Variants in LPP observed in about 807,000 individuals in gnomAD.
LPP encodes the protein LIM domain containing preferred translocation partner in lipoma, also known as lipoma-preferred partner.
In LPP, 38 loss-of-function variants were observed where a neutral mutation model predicts 60.4. The observed-to-expected ratio is 0.63, with a 90% CI of 0.49 to 0.83. The LOEUF is 0.83. Ranked by LOEUF, LPP falls within the 40% of genes least tolerant of loss-of-function variation. The pLI is 0.00. For synonymous variants in LPP, 328 were observed against 290.8 expected, an observed-to-expected ratio of 1.13 and a Z score of -1.30; for missense variants, 902 against 783.6, an observed-to-expected ratio of 1.15 and a Z score of -1.80.
At chr3:188,840,412 A>G (rs1010951324) in intron 9 of LPP, among the ~76,000 whole-genome samples, 6 of 152,182 alleles carry the variant, frequency 3.9e-5, no homozygotes, top group Non-Finnish European at 7.3e-5. Flanking sequence ...GCATTACATC[A>G]TCCTTTGTAA....
chr3:188,673,308 G>A (rs1277381908), intron 7 of LPP, among the ~76,000 whole-genome samples: 4 of 78,330 alleles, frequency 5.1e-5, no homozygotes, highest in Non-Finnish European at 5.0e-5. Context: ...ATGACATAGG[G>A]CCCTATATGT....
intron 5 of LPP, among the ~76,000 whole-genome samples, chr3:188,512,103 C>G (rs1379770583): frequency 6.6e-6 from 1 of 152,124 alleles, no homozygotes; most frequent in Non-Finnish European, 1.5e-5. Context: ...GATGGAATAG[C>G]GACGTAAATT....
intron 9 of LPP, among the ~76,000 whole-genome samples, chr3:188,847,900 A>G (rs878938392): frequency 1.3e-5 from 2 of 152,212 alleles, no homozygotes; most frequent in African/African-American, 4.8e-5. Context: ...GAAAAAAATT[A>G]ATAAAGTGAA....
chr3:188,183,859 G>C (rs1725815559), intron 1 of LPP, among the ~76,000 whole-genome samples: 1 of 152,106 alleles, frequency 6.6e-6, no homozygotes, highest in African/African-American at 2.4e-5. Flanking sequence ...GTACTACACT[G>C]CTTTCCTAGC....
At chr3:188,241,851 A>C (rs2149474377) in intron 2 of LPP, among the ~76,000 whole-genome samples, 1 of 152,318 alleles carries the variant, frequency 6.6e-6, no homozygotes, top group East Asian at 1.9e-4. Context: ...GGGGAGTAGG[A>C]CATTCTGAAA....
chr3:188,212,188 A>G lies in LPP; in HGVS notation c.-189-13217A>G, dbSNP rs533977625. 2.4e-4 allele frequency among the ~76,000 whole-genome samples: 37 copies of G among 152,268 alleles called. No homozygotes were observed. The South Asian group carries it at 5.8e-3, about 24-fold the overall frequency. On this transcript the variant is annotated intron_variant, in intron 1 of 11. Coordinates refer to ENST00000617246, the MANE Select transcript of LPP (RefSeq NM_001375462.1). ...GGAGTTGTTTTGAGACTCACCTGCC[A>G]TCATAGGAACCATAGCTTAAATTCT...
At chr3:188,698,157 C>G (rs1863672414) in intron 7 of LPP, among the ~76,000 whole-genome samples, 1 of 152,102 alleles carries the variant, frequency 6.6e-6, no homozygotes, top group Non-Finnish European at 1.5e-5. Flanking sequence ...TGCATTCTTC[C>G]AGGCAACCAA....
chr3:188,526,329 C>T (rs1820575732), intron 6 of LPP, among the ~76,000 whole-genome samples: 1 of 151,866 alleles, frequency 6.6e-6, no homozygotes, highest in Non-Finnish European at 1.5e-5. Flanking sequence ...GAGTCTCTCT[C>T]TGTTGCCAAG....
At chr3:188,691,162 A>G (rs1253509551) in intron 7 of LPP, among the ~76,000 whole-genome samples, 1 of 152,214 alleles carries the variant, frequency 6.6e-6, no homozygotes, top group Non-Finnish European at 1.5e-5. Flanking sequence ...AATTTGGGTT[A>G]AACTTTATTC....
intron 2 of LPP, among the ~76,000 whole-genome samples, chr3:188,303,863 A>G (rs908343608): frequency 6.6e-6 from 1 of 152,208 alleles, no homozygotes; most frequent in African/African-American, 2.4e-5. Flanking sequence ...ATGGCTTTGG[A>G]AAGTTATACT....
intron 5 of LPP, among the ~76,000 whole-genome samples, chr3:188,488,396 AGG>A (rs900705971): frequency 3.4e-4 from 23 of 66,876 alleles, no homozygotes; most frequent in Middle Eastern, 0.018. Flanking sequence ...CTTGGAAAAC[AGG>A]GGAAGGATTT....
chr3:188,716,696 A>G (rs1460492020), intron 8 of LPP, among the ~76,000 whole-genome samples: 1 of 150,462 alleles, frequency 6.6e-6, no homozygotes, highest in Admixed American at 6.7e-5. Context: ...GCGTAATGAA[A>G]TCACTTTCTT....
chr3:188,737,978 A>G (rs1185984012), intron 8 of LPP, among the ~76,000 whole-genome samples: 1 of 152,190 alleles, frequency 6.6e-6, no homozygotes, highest in Non-Finnish European at 1.5e-5. Flanking sequence ...TCTGCATTCC[A>G]GACATATATT....
chr3:188,703,714 T>C (rs964603269), intron 7 of LPP, among the ~76,000 whole-genome samples: 4 of 152,208 alleles, frequency 2.6e-5, no homozygotes, highest in Admixed American at 6.5e-5. Context: ...CCAAGTGTTA[T>C]TTCAGAAACA....
chr3:188,425,747 T>C (rs984933799), intron 4 of LPP, among the ~76,000 whole-genome samples: 1 of 152,198 alleles, frequency 6.6e-6, no homozygotes, highest in Non-Finnish European at 1.5e-5. Context: ...TAGGTGTTTA[T>C]GGTATTATTT....
chr3:188,552,482 G>C (rs542421402), intron 6 of LPP, among the ~76,000 whole-genome samples: 6 of 152,200 alleles, frequency 3.9e-5, no homozygotes, highest in African/African-American at 1.2e-4. Context: ...CCACGAAATT[G>C]GTGTCTTAAA....
In LPP at chr3:188,489,971, A is replaced by C. The variant is rs575016677; in HGVS notation, c.306+5267A>C. ...TTCTGTTTGGTCCTGCAAAATGGCC[A>C]GGCTTGCTAATGTAACTCCAGGCCC... On this transcript the variant is annotated intron_variant, in intron 5 of 11. Coordinates refer to ENST00000617246, the MANE Select transcript of LPP (RefSeq NM_001375462.1). Among the ~76,000 whole-genome samples, 85 of 152,326 alleles carry C rather than the reference A, an allele frequency of 5.6e-4. 1 individual carries two copies. Among genetic ancestry groups the C allele is most frequent in the African/African-American group, 1.9e-3 (81 of 41,572 alleles).
At chr3:188,337,881 T>C (rs1275337600) in intron 2 of LPP, among the ~76,000 whole-genome samples, 1 of 152,230 alleles carries the variant, frequency 6.6e-6, no homozygotes, top group African/African-American at 2.4e-5. Context: ...GGCCTCTGGT[T>C]GGCCATGCTA....
At chr3:188,678,887 A>T (rs1858758783) in intron 7 of LPP, among the ~76,000 whole-genome samples, 1 of 152,248 alleles carries the variant, frequency 6.6e-6, no homozygotes, top group Admixed American at 6.5e-5. Flanking sequence ...AGATGTAGGT[A>T]GGTAACCTGA....
Sources: gnomAD v4.1 joint callset for allele counts (sites outside exome capture counted in the v4.1 genomes callset) on GRCh38, gnomAD v4.1.1 for gene constraint, MANE v1.5 for transcripts, NCBI Gene and HGNC (gene_info 2026-07-23, HGNC 2026-07-21) for gene names.